The following COL8A1 variants were observed in gnomAD, a reference collection of about 807,000 sequenced individuals.
The protein encoded by COL8A1 is collagen type VIII alpha 1 chain.
COL8A1 carries 21 observed loss-of-function variants against 42.7 expected under a neutral mutation model. That is an observed-to-expected ratio of 0.49 (90% CI 0.35 to 0.71). COL8A1 has a LOEUF of 0.71. COL8A1 is among the 30% of genes least tolerant of loss of function. COL8A1 has a pLI of 0.01. For synonymous variants in COL8A1, 367 were observed against 369.1 expected (o/e 0.99, Z 0.06); for missense variants, 788 against 962.4 (o/e 0.82, Z 2.40).
intron 1 of COL8A1, among the ~76,000 whole-genome samples, chr3:99,673,692 A>G (rs1938610472): frequency 6.6e-6 from 1 of 152,084 alleles, no homozygotes; most frequent in South Asian, 2.1e-4. Context: ...GATTTCTTTT[A>G]GAATATCATT....
intron 1 of COL8A1, among the ~76,000 whole-genome samples, chr3:99,667,217 T>A (rs191889632): frequency 2.0e-5 from 3 of 152,146 alleles, no homozygotes; most frequent in Non-Finnish European, 4.4e-5. Context: ...AACTATTCCT[T>A]TGGGTTCCTT....
At chr3:99,773,815 G>GTATA (rs1553682062) in intron 2 of COL8A1, among the ~76,000 whole-genome samples, 21 of 35,910 alleles carry the variant, frequency 5.8e-4, no homozygotes, top group South Asian at 3.3e-3. Context: ...ATATATGTGT[G>GTATA]TATATATATA....
chr3:99,643,554 C>G (rs1404160522), intron 1 of COL8A1, among the ~76,000 whole-genome samples: 1 of 152,160 alleles, frequency 6.6e-6, no homozygotes, highest in Non-Finnish European at 1.5e-5. Flanking sequence ...AATGGATTTA[C>G]AAAGTAAATT....
At chr3:99,770,557 T>C (rs1038653516) in intron 2 of COL8A1, among the ~76,000 whole-genome samples, 2 of 152,124 alleles carry the variant, frequency 1.3e-5, no homozygotes, top group African/African-American at 2.4e-5. Flanking sequence ...AGCCAGTGAA[T>C]TGGGTTTCCT....
At chr3:99,744,413 TC>T (rs1239642443) in intron 1 of COL8A1, among the ~76,000 whole-genome samples, 1 of 152,158 alleles carries the variant, frequency 6.6e-6, no homozygotes, top group Non-Finnish European at 1.5e-5. Context: ...TGCCAAAAAC[TC>T]ATATGAAAAC....
At chr3:99,694,386 G>A (rs1170153713) in intron 1 of COL8A1, among the ~76,000 whole-genome samples, 2 of 151,906 alleles carry the variant, frequency 1.3e-5, no homozygotes, top group Admixed American at 6.6e-5. Context: ...TGAAGCAAGA[G>A]AATCACTTGA....
intron 1 of COL8A1, among the ~76,000 whole-genome samples, chr3:99,734,194 T>A (rs1261836454): frequency 1.4e-5 from 2 of 146,000 alleles, no homozygotes; most frequent in Admixed American, 1.3e-4. Context: ...TTGCCATTGC[T>A]TTTGGTGTTT....
intron 1 of COL8A1, among the ~76,000 whole-genome samples, chr3:99,675,386 C>A (rs1276347312): frequency 6.6e-6 from 1 of 151,982 alleles, no homozygotes. Context: ...GCATAAAGCA[C>A]TTTATACAAT....
chr3:99,650,227 A>G (rs894330016), intron 1 of COL8A1, among the ~76,000 whole-genome samples: 9 of 152,196 alleles, frequency 5.9e-5, no homozygotes, highest in African/African-American at 1.9e-4. Context: ...GCCTTCATCA[A>G]TATTATAACA....
chr3:99,774,602 T>C (rs960458843), intron 2 of COL8A1, among the ~76,000 whole-genome samples: 7 of 152,252 alleles, frequency 4.6e-5, no homozygotes, highest in African/African-American at 1.4e-4. Flanking sequence ...AAGCCCAACA[T>C]GTGTGTTGGG....
chr3:99,680,187 T>G (rs1364284682), intron 1 of COL8A1: 2 of 146,006 alleles, frequency 1.4e-5, no homozygotes, highest in Admixed American at 1.4e-4. Context: ...GACGTTCCCC[T>G]TCCTGTGTCC....
chr3:99,669,146 T>TATATATATAGAGAGAGAGAG, intron 1 of COL8A1, among the ~76,000 whole-genome samples: 2 of 115,364 alleles, frequency 1.7e-5, no homozygotes, highest in Admixed American at 1.9e-4. Flanking sequence ...TATATATATA[T>TATATATATAGAGAGAGAGAG]AGAGGGAGAG....
intron 2 of COL8A1, among the ~76,000 whole-genome samples, chr3:99,780,420 C>T (rs894807583): frequency 6.6e-5 from 10 of 152,174 alleles, no homozygotes; most frequent in African/African-American, 2.4e-4. Context: ...TTCCTTTAGG[C>T]ACTGGGCTTC....
chr3:99,642,713 T>G (rs1210927476), intron 1 of COL8A1, among the ~76,000 whole-genome samples: 1 of 152,236 alleles, frequency 6.6e-6, no homozygotes, highest in Non-Finnish European at 1.5e-5. Flanking sequence ...AAAAAATCTC[T>G]TTTTAATTCT....
chr3:99,756,801 G>A (rs1250225524), intron 2 of COL8A1, among the ~76,000 whole-genome samples: 3 of 152,146 alleles, frequency 2.0e-5, no homozygotes, highest in Non-Finnish European at 4.4e-5. Context: ...GGATACAAAC[G>A]TCTTAGCCAA....
intron 1 of COL8A1, among the ~76,000 whole-genome samples, chr3:99,741,093 C>T (rs1332161321): frequency 6.6e-6 from 1 of 152,122 alleles, no homozygotes; most frequent in Non-Finnish European, 1.5e-5. Context: ...TCTCACTTAA[C>T]CCAACCAACA....
chr3:99,708,757 C>T (rs1939752280), intron 1 of COL8A1, among the ~76,000 whole-genome samples: 1 of 152,112 alleles, frequency 6.6e-6, no homozygotes, highest in Non-Finnish European at 1.5e-5. Flanking sequence ...CTAATTATAA[C>T]ACCAAATTTT....
chr3:99,698,556 G>T (rs907822447), intron 1 of COL8A1, among the ~76,000 whole-genome samples: 4 of 152,180 alleles, frequency 2.6e-5, no homozygotes, highest in African/African-American at 7.2e-5. Flanking sequence ...AATTATGAAG[G>T]ATGCCAAAGT....
intron 1 of COL8A1, among the ~76,000 whole-genome samples, chr3:99,657,476 T>C (rs1205644791): frequency 6.6e-6 from 1 of 152,216 alleles, no homozygotes; most frequent in African/African-American, 2.4e-5. Flanking sequence ...CTGATAAGAC[T>C]GAGTAGCTGG....
Sources: allele counts gnomAD v4.1 joint callset (sites outside exome capture counted in the v4.1 genomes callset), GRCh38; gene constraint gnomAD v4.1.1; transcripts MANE v1.5; gene names NCBI Gene and HGNC (gene_info 2026-07-23, HGNC 2026-07-21).